Variants in NAV3 observed in about 807,000 individuals in gnomAD.
NAV3 encodes the protein pore membrane and/or filament interacting like protein 1.
A neutral mutation model predicts 244.7 loss-of-function variants in NAV3; 87 were observed. The observed-to-expected ratio is 0.36, with a 90% CI of 0.30 to 0.42. The LOEUF (loss-of-function observed/expected upper bound fraction) is 0.42, where lower values mean the gene tolerates loss of function less well. Ranked by LOEUF, NAV3 falls within the 20% of genes least tolerant of loss-of-function variation. The pLI, the probability that NAV3 is intolerant of heterozygous loss-of-function variation, is 1.00. For missense variants in NAV3, 2,663 were observed against 2,893.3 expected (o/e 0.92, Z 1.83); for synonymous variants, 1,126 against 1,042.2 (o/e 1.08, Z -1.55).
At chr12:77,671,723 C>G (rs182035467) in intron 2 of NAV3, among the ~76,000 whole-genome samples, 2 of 152,218 alleles carry the variant, frequency 1.3e-5, no homozygotes, top group African/African-American at 4.8e-5. Flanking sequence ...GAGAATGATA[C>G]TGGATTTTCA....
chr12:77,806,513 G>C (rs139573303), intron 2 of NAV3, among the ~76,000 whole-genome samples: 47 of 152,304 alleles, frequency 3.1e-4, no homozygotes, highest in Middle Eastern at 3.4e-3. Context: ...TAATTTGATT[G>C]CACTGTTGTC....
intron 8 of NAV3, among the ~76,000 whole-genome samples, chr12:78,020,271 GA>G (rs1876929759): frequency 6.6e-6 from 1 of 152,144 alleles, no homozygotes; most frequent in African/African-American, 2.4e-5. Context: ...TTTGATAAAG[GA>G]AGGAATGGGC....
chr12:77,747,652 G>C (rs534372917), intron 2 of NAV3, among the ~76,000 whole-genome samples: 2 of 152,176 alleles, frequency 1.3e-5, no homozygotes, highest in Non-Finnish European at 2.9e-5. Flanking sequence ...ATCAATGATA[G>C]ACTGGATTAA....
intron 22 of NAV3, among the ~76,000 whole-genome samples, chr12:78,152,978 G>C (rs1238927768): frequency 6.6e-6 from 1 of 151,742 alleles, no homozygotes; most frequent in East Asian, 1.9e-4. Context: ...ATAATCTGTT[G>C]GTTTTAACAA....
In NAV3 at chr12:78,142,683, G is replaced by GTA. The variant is rs1277554089; in HGVS notation, c.4683+2358_4683+2359dup. ...TATGTATATATATACATATATATGT[G>GTA]TATATATATACATATGTATGTGTAT... is the stretch of plus-strand genomic sequence containing the variant. On this transcript the variant is annotated intron_variant, in intron 20 of 39. Transcript: ENST00000397909. Among the ~76,000 whole-genome samples, 19 of 71,576 alleles carry GTA rather than the reference G, an allele frequency of 2.7e-4. 1 individual carries two copies. The highest frequency in any genetic ancestry group is 9.7e-4 in the Admixed American group (5 of 5,166). The allele number at this position is 71,576 out of a possible 152,430, so 47.0% of individuals were successfully genotyped here.
intron 2 of NAV3, among the ~76,000 whole-genome samples, chr12:77,712,268 TGAAA>T (rs1160867041): frequency 6.6e-6 from 1 of 152,194 alleles, no homozygotes; most frequent in Admixed American, 6.5e-5. Context: ...ACTGGACCAA[TGAAA>T]GATTCTACCA....
chr12:77,795,951 C>T (rs1031019007), intron 2 of NAV3, among the ~76,000 whole-genome samples: 5 of 152,154 alleles, frequency 3.3e-5, no homozygotes, highest in Non-Finnish European at 5.9e-5. Flanking sequence ...ATTGACAATC[C>T]ACTCAGTAAT....
At chr12:78,084,460 T>C (rs1459656603) in intron 12 of NAV3, among the ~76,000 whole-genome samples, 1 of 152,130 alleles carries the variant, frequency 6.6e-6, no homozygotes, top group Non-Finnish European at 1.5e-5. Flanking sequence ...CAATTTTTTT[T>C]TGTCTTTACT....
At chr12:77,828,583 C>T (rs12811685), upstream of NAV3, among the ~76,000 whole-genome samples, 1 of 151,804 alleles carries the variant, frequency 6.6e-6, no homozygotes, top group Non-Finnish European at 1.5e-5. Context: ...CCTTTGTCTC[C>T]TAGGTCTCAA....
chr12:78,110,623 C>G (rs1267343492), intron 12 of NAV3, among the ~76,000 whole-genome samples: 3 of 151,604 alleles, frequency 2.0e-5, no homozygotes, highest in Non-Finnish European at 4.4e-5. Context: ...GTAGCCAAAA[C>G]AGCATGGTAT....
chr12:77,816,531 A>G (rs914157926), intron 2 of NAV3, among the ~76,000 whole-genome samples: 5 of 152,170 alleles, frequency 3.3e-5, no homozygotes, highest in African/African-American at 4.8e-5. Context: ...AGCACAGGTA[A>G]AGCCACCAGG....
chr12:77,696,379 A>T (rs1485904355), intron 2 of NAV3, among the ~76,000 whole-genome samples: 1 of 152,150 alleles, frequency 6.6e-6, no homozygotes, highest in East Asian at 1.9e-4. Flanking sequence ...AGAAAGTAAA[A>T]GAGACCTCTG....
At chr12:77,761,366 A>G (rs991149606) in intron 2 of NAV3, among the ~76,000 whole-genome samples, 2 of 152,212 alleles carry the variant, frequency 1.3e-5, no homozygotes, top group African/African-American at 4.8e-5. Flanking sequence ...TTTAAAGATC[A>G]TCTATGTCAA....
chr12:77,751,836 C>T (rs139663369), intron 2 of NAV3, among the ~76,000 whole-genome samples: 5 of 152,192 alleles, frequency 3.3e-5, no homozygotes, highest in Middle Eastern at 3.4e-3. Context: ...CTTTCATAAC[C>T]GAGCTTATAC....
chr12:77,670,467 C>G (rs1873918363), intron 2 of NAV3, among the ~76,000 whole-genome samples: 1 of 151,966 alleles, frequency 6.6e-6, no homozygotes, highest in Non-Finnish European at 1.5e-5. Context: ...AGTACCAAAA[C>G]TAGGGAAAGA....
At chr12:77,786,487 ACAT>A (rs1321069485) in intron 2 of NAV3, among the ~76,000 whole-genome samples, 1 of 152,126 alleles carries the variant, frequency 6.6e-6, no homozygotes, top group Admixed American at 6.6e-5. Context: ...TGTTTTTGAA[ACAT>A]CATTCTATTT....
Position 78,051,656 on chromosome 12 carries a change from C to A in NAV3, c.2516+509C>A, listed in dbSNP as rs548537246. Among the ~76,000 whole-genome samples the A allele has an allele frequency of 3.9e-5, 6 of 152,246 alleles. No homozygotes were observed. In the South Asian group the frequency reaches 1.2e-3, roughly 32 times the overall value. On this transcript the variant is annotated intron_variant, in intron 11 of 39. Transcript: ENST00000397909. ...ATTTTCTTTTGATGGTATCAGATTT[C>A]AATACATCTCAGACCCTGTTTTTCT...
intron 12 of NAV3, among the ~76,000 whole-genome samples, chr12:78,070,350 C>T (rs1211582826): frequency 1.3e-5 from 2 of 150,746 alleles, no homozygotes; most frequent in Admixed American, 6.6e-5. Context: ...AAAACTTTCT[C>T]AAGGTTACAC....
chr12:77,911,966 T>C (rs11835731), intron 1 of NAV3, among the ~76,000 whole-genome samples: 54,846 of 151,838 alleles, frequency 0.36, 10,419 homozygotes, highest in African/African-American at 0.47. Context: ...ACATTTGCTG[T>C]GTCATTCTGG....
Sources: allele counts gnomAD v4.1 joint callset (sites outside exome capture counted in the v4.1 genomes callset), GRCh38; gene constraint gnomAD v4.1.1; transcripts MANE v1.5; gene names NCBI Gene and HGNC (gene_info 2026-07-23, HGNC 2026-07-21).